DRC3: variants seen among roughly 807,000 people sequenced by gnomAD.
DRC3 encodes dynein regulatory complex subunit 3, also known as leucine rich repeat containing 48.
Under a neutral mutation model 57.6 loss-of-function variants are expected in DRC3, and 45 were observed. The ratio of observed to expected loss-of-function variants is 0.78; its 90% CI spans 0.62 to 1.00. DRC3 has a LOEUF of 1.00. Ranked by LOEUF, DRC3 falls within the 50% of genes least tolerant of loss-of-function variation. The probability of loss-of-function intolerance (pLI) is 0.00; values close to 1 mark genes in which losing one functional copy is unlikely to be tolerated. For synonymous variants in DRC3, 257 were observed against 272.3 expected, an observed-to-expected ratio of 0.94 and a Z score of 0.55; for missense variants, 655 against 675.2, an observed-to-expected ratio of 0.97 and a Z score of 0.33.
At chr17:18,001,717 G>A (rs1035251380) in intron 9 of DRC3, among the ~76,000 whole-genome samples, 3 of 151,896 alleles carry the variant, frequency 2.0e-5, no homozygotes, top group Admixed American at 6.6e-5. Context: ...GATCGCTTGA[G>A]CCCAGCAGTT....
Position 17,994,416 on chromosome 17 carries a change from A to G in DRC3, c.709A>G (p.Lys237Glu). 6.4e-7 allele frequency: 1 copy of G among 1,552,004 alleles called. No individual in the cohort carries two copies. Among genetic ancestry groups the G allele is most frequent in the Non-Finnish European group, 8.7e-7 (1 of 1,147,422 alleles). ...QAQREELEKHKTAFVEHLNGS... is the reference protein window; with the variant it reads ...QAQREELEKHETAFVEHLNGS... ...GCAGCGGGAGGAGCTAGAGAAGCACAAGGTACCGTTCCGGCAGGCTGCACG... is the reference window on the plus strand; with the variant it reads ...GCAGCGGGAGGAGCTAGAGAAGCACGAGGTACCGTTCCGGCAGGCTGCACG... Residue 237 changes from lysine (K) to glutamate (E), a missense_variant and splice_region_variant, in exon 7 of 14, where the codon AAG (lysine) becomes GAG (glutamate). By Grantham distance (56) the Lys-to-Glu change is moderately conservative (BLOSUM62 1). Coordinates refer to ENST00000399187, the MANE Select transcript of DRC3 (RefSeq NM_031294.4).
chr17:18,007,271 G>A, intron 12 of DRC3, 124 bp downstream of exon 12: 3 of 1,024,754 alleles, frequency 2.9e-6, no homozygotes, highest in South Asian at 1.5e-5. Flanking sequence ...CTGCAAAAGG[G>A]CACACTAACC....
intron 6 of DRC3, 145 bp from the exon 7 acceptor site, chr17:17,994,154 C>T: frequency 9.2e-7 from 1 of 1,091,704 alleles, no homozygotes; most frequent in Non-Finnish European, 1.3e-6. Flanking sequence ...CACGAGACCT[C>T]ATGGCTTTCA....
At chr17:18,015,959 C>A in intron 12 of DRC3, 105 bp from the exon 13 acceptor site, 1 of 1,255,476 alleles carries the variant, frequency 8.0e-7, no homozygotes, top group Non-Finnish European at 1.1e-6. Context: ...CTGAGTGTGG[C>A]CTGCACAGCC....
chr17:17,986,463 C>CA (rs1309723395), intron 4 of DRC3, among the ~76,000 whole-genome samples: 1 of 148,306 alleles, frequency 6.7e-6, no homozygotes, highest in African/African-American at 2.5e-5. Context: ...TCTCCCAAAT[C>CA]ACCTTTTTTT....
At chr17:17,972,849 T>C (rs566506673), upstream of DRC3, 20 of 153,242 alleles carry the variant, frequency 1.3e-4, no homozygotes, top group African/African-American at 4.8e-4. Flanking sequence ...ACGTGACTTG[T>C]CAACTTTCAC....
intron 2 of DRC3, among the ~76,000 whole-genome samples, chr17:17,975,510 T>TCCCCCC (rs1452301866): frequency 3.1e-4 from 36 of 115,866 alleles, no homozygotes; most frequent in African/African-American, 9.5e-4. Flanking sequence ...GCGCCTGACC[T>TCCCCCC]CCCCACCCCC....
intron 12 of DRC3, among the ~76,000 whole-genome samples, chr17:18,013,255 C>T (rs2044230482): frequency 6.6e-6 from 1 of 152,174 alleles, no homozygotes; most frequent in Non-Finnish European, 1.5e-5. Flanking sequence ...CCCTCAAAAA[C>T]TACAAACAGA....
At chr17:18,006,022 G>A (rs1404866758) in intron 10 of DRC3, 161 bp from the exon 11 acceptor site, 1 of 627,668 alleles carries the variant, frequency 1.6e-6, no homozygotes, top group Non-Finnish European at 2.9e-6. Flanking sequence ...AGAGAGCAGA[G>A]GGGTCAGTTC....
intron 12 of DRC3, 103 bp downstream of exon 12, chr17:18,007,250 A>G (rs2044012061): frequency 2.5e-6 from 2 of 810,950 alleles, no homozygotes; most frequent in Non-Finnish European, 3.7e-6. Context: ...CCAGAGCCTC[A>G]GTGTTCTCAT....
intron 4 of DRC3, 37 bp from the exon 5 acceptor site, chr17:17,987,895 C>T (rs776828021): frequency 2.5e-6 from 4 of 1,606,152 alleles, no homozygotes; most frequent in South Asian, 2.2e-5. Context: ...TCCCCTGACC[C>T]AGGCAGCAGA....
chr17:18,006,570 A>C lies in DRC3; in HGVS notation c.1202+317A>C, dbSNP rs115185347. 1.5e-3 allele frequency: 622 copies of C among 424,612 alleles called. 5 individuals carry two copies. Among genetic ancestry groups the C allele is most frequent in the African/African-American group, 0.011 (562 of 50,538 alleles). 26.3% of individuals were successfully genotyped at this position (424,612 alleles called of 1,614,324 possible). On this transcript the variant is annotated intron_variant, in intron 11 of 13. Transcript: ENST00000399187. ...ACACTATAAGGAGTACATCAGGTGA[A>C]ATGTTAGGGTGAGGAGCCAACATCG...
intron 12 of DRC3, among the ~76,000 whole-genome samples, chr17:18,010,068 G>A (rs2145440728): frequency 1.3e-5 from 2 of 152,314 alleles, no homozygotes; most frequent in Non-Finnish European, 2.9e-5. Context: ...CAGGGTGAGT[G>A]CTCAGGCCCA....
chr17:18,004,518 G>A (rs1318757650), intron 10 of DRC3, 24 bp downstream of exon 10: 1 of 1,603,494 alleles, frequency 6.2e-7, no homozygotes, highest in Non-Finnish European at 8.5e-7. Flanking sequence ...CTGGGCACAA[G>A]TGCCAGAATC....
Position 17,988,106 on chromosome 17 carries a change from GCCGCCCAGC to G in DRC3, c.444+15_444+23del. On this transcript the variant is annotated intron_variant, in intron 5 of 13. Coordinates refer to ENST00000399187, the MANE Select transcript of DRC3 (RefSeq NM_031294.4). ...ATTGACAACATGATGAACGTGAGTG[GCCGCCCAGC>G]CCGCCCTCACGCACACCTGCAGAGC... 3 of 1,612,366 alleles carry G rather than the reference GCCGCCCAGC, an allele frequency of 1.9e-6. No individual in the cohort carries two copies. The highest frequency in any genetic ancestry group is 2.5e-6 in the Non-Finnish European group (3 of 1,179,312).
intron 8 of DRC3, among the ~76,000 whole-genome samples, chr17:17,996,537 C>A (rs571507729): frequency 1.1e-4 from 16 of 152,280 alleles, no homozygotes; most frequent in Admixed American, 2.0e-4. Flanking sequence ...TCAATTACCC[C>A]CCACCGGGTT....
At chr17:18,014,257 T>G (rs1050915285) in intron 12 of DRC3, among the ~76,000 whole-genome samples, 1 of 152,192 alleles carries the variant, frequency 6.6e-6, no homozygotes, top group South Asian at 2.1e-4. Flanking sequence ...AAGAAGTTGC[T>G]TTGAAAGAAA....
chr17:18,006,251 C>T lies in DRC3; in HGVS notation c.1200C>T (p.Ser400=), dbSNP rs1323456941. The change falls in exon 11 of 14, where the codon AGC becomes AGT. Residue 400 remains serine (S), a splice_region_variant and synonymous_variant. Transcript: ENST00000399187. ...MVGLFIENVQ[S]LMAQCRDLEN... is the part of the protein sequence containing the mutation. ...GACTGTTTATCGAAAATGTCCAAAGCCTATATCCTTTCTGTGATGACCTTC... is the reference window on the plus strand; with the variant it reads ...GACTGTTTATCGAAAATGTCCAAAGTCTATATCCTTTCTGTGATGACCTTC... 3.1e-6 allele frequency: 5 copies of T among 1,608,458 alleles called. No individual in the cohort carries two copies. Among genetic ancestry groups the T allele is most frequent in the African/African-American group, 1.3e-5 (1 of 74,826 alleles).
At chr17:18,004,312 A>T in intron 9 of DRC3, 51 bp from the exon 10 acceptor site, 1 of 1,554,426 alleles carries the variant, frequency 6.4e-7, no homozygotes, top group Non-Finnish European at 8.7e-7. Flanking sequence ...ACCTGCCATT[A>T]TCTAATTACA....
Sources: gnomAD v4.1 joint callset for allele counts (sites outside exome capture counted in the v4.1 genomes callset) on GRCh38, gnomAD v4.1.1 for gene constraint, MANE v1.5 for transcripts, NCBI Gene and HGNC (gene_info 2026-07-23, HGNC 2026-07-21) for gene names.